Variants in ALK observed in about 807,000 individuals in gnomAD.
ALK encodes the protein ALK tyrosine kinase receptor.
ALK carries 74 observed loss-of-function variants against 163.1 expected under a neutral mutation model. That is an observed-to-expected ratio of 0.45 (90% CI 0.38 to 0.55). ALK has a LOEUF of 0.55. ALK is among the 20% of genes least tolerant of loss of function. The probability of loss-of-function intolerance (pLI) is 0.00; values close to 1 mark genes in which losing one functional copy is unlikely to be tolerated. For missense variants in ALK, 2,063 were observed against 2,105.3 expected (o/e 0.98, Z 0.39); for synonymous variants, 960 against 843.2 (o/e 1.14, Z -2.40).
intron 1 of ALK, among the ~76,000 whole-genome samples, chr2:29,718,231 CCCAAAG>C (rs1679319991): frequency 6.6e-6 from 1 of 152,096 alleles, no homozygotes; most frequent in Non-Finnish European, 1.5e-5. Context: ...CCGGAGTTTT[CCCAAAG>C]CCAAGAGGCC....
At chr2:29,465,447 A>C (rs1462419968) in intron 4 of ALK, among the ~76,000 whole-genome samples, 2 of 152,118 alleles carry the variant, frequency 1.3e-5, no homozygotes, top group African/African-American at 4.8e-5. Flanking sequence ...TAATCCCAAC[A>C]CTTTGGGAGG....
chr2:29,217,645 AT>A (rs1669678379), intron 23 of ALK, among the ~76,000 whole-genome samples: 1 of 152,112 alleles, frequency 6.6e-6, no homozygotes, highest in Non-Finnish European at 1.5e-5. Context: ...AGGGTCTTTG[AT>A]CCTGATCTAA....
intron 10 of ALK, 48 bp from the exon 11 acceptor site, chr2:29,275,275 C>T: frequency 6.2e-7 from 1 of 1,613,692 alleles, no homozygotes; most frequent in Non-Finnish European, 8.5e-7. Context: ...GGGTTGATTT[C>T]AGGGTGAGAG....
Position 29,739,240 on chromosome 2 carries a change from TAAAAAAAAAAAAA to T in ALK, c.668-21556_668-21544del, listed in dbSNP as rs57381961. Among the ~76,000 whole-genome samples the T allele has an allele frequency of 1.7e-4, 7 of 40,334 alleles. No individual in the cohort carries two copies. The South Asian group carries it at 8.0e-3, about 46-fold the overall frequency. 26.5% of individuals were successfully genotyped at this position (40,334 alleles called of 152,430 possible). ...GGCAACAGGGCAAGACAGTCTCTCT[TAAAAAAAAAAAAA>T]AAAAAAAAAAAAAAAAGAACATAGG... On this transcript the variant is annotated intron_variant, in intron 1 of 28. Coordinates refer to ENST00000389048, the MANE Select transcript of ALK (RefSeq NM_004304.5).
chr2:29,587,001 C>A (rs922935540), intron 3 of ALK, among the ~76,000 whole-genome samples: 1 of 152,072 alleles, frequency 6.6e-6, no homozygotes, highest in Admixed American at 6.6e-5. Context: ...GTGGGTGTAC[C>A]CTTACCTGCC....
chr2:29,228,737 C>T, intron 16 of ALK, 147 bp downstream of exon 16: 1 of 523,380 alleles, frequency 1.9e-6, no homozygotes, highest in Non-Finnish European at 3.6e-6. Context: ...TCTGGCTGGT[C>T]CAGGCAGGTC....
intron 5 of ALK, among the ~76,000 whole-genome samples, chr2:29,369,832 C>G (rs17007974): frequency 0.11 from 16,423 of 152,074 alleles, 967 homozygotes; most frequent in African/African-American, 0.15. Flanking sequence ...TATGATCACA[C>G]GGAATAAATA....
At chr2:29,223,255 T>G (rs1669855306) in intron 20 of ALK, 87 bp downstream of exon 20, 1 of 1,484,618 alleles carries the variant, frequency 6.7e-7, no homozygotes, top group East Asian at 2.3e-5. Flanking sequence ...GCCGGCCTTT[T>G]GTGGCTAGAG....
At chr2:29,270,907 A>G (rs1188084792) in intron 11 of ALK, among the ~76,000 whole-genome samples, 1 of 152,156 alleles carries the variant, frequency 6.6e-6, no homozygotes, top group Non-Finnish European at 1.5e-5. Flanking sequence ...CTGGGATGCA[A>G]TGATGAGCTG....
At chr2:29,357,595 G>A (rs1573276691) in intron 5 of ALK, among the ~76,000 whole-genome samples, 1 of 152,330 alleles carries the variant, frequency 6.6e-6, no homozygotes, top group South Asian at 2.1e-4. Flanking sequence ...CTGTCCTCCT[G>A]GTCATAGTGG....
intron 1 of ALK, among the ~76,000 whole-genome samples, chr2:29,799,510 C>T (rs1354556441): frequency 7.3e-6 from 1 of 136,910 alleles, no homozygotes; most frequent in Admixed American, 6.8e-5. Context: ...CAAAACAAAA[C>T]AAACAAACAA....
At chr2:29,918,683 C>G (rs1667900827) in intron 1 of ALK, among the ~76,000 whole-genome samples, 1 of 152,162 alleles carries the variant, frequency 6.6e-6, no homozygotes, top group African/African-American at 2.4e-5. Context: ...CTGAATATCC[C>G]TCCTGCATGA....
chr2:29,901,776 A>T (rs1246376419), intron 1 of ALK, among the ~76,000 whole-genome samples: 2 of 152,206 alleles, frequency 1.3e-5, no homozygotes, highest in African/African-American at 4.8e-5. Context: ...GGTCAGGAAG[A>T]TCGCCGTATC....
At chr2:29,288,163 C>G (rs909623520) in intron 9 of ALK, among the ~76,000 whole-genome samples, 9 of 152,186 alleles carry the variant, frequency 5.9e-5, no homozygotes, top group African/African-American at 1.7e-4. Context: ...CTGCACTACT[C>G]CAGGACTAGG....
rs942490577 is a variant in ALK, at chr2:29,921,200, A to C, written c.-541T>G. 4.3e-6 allele frequency: 1 copy of C among 234,368 alleles called. No homozygotes were observed. The highest frequency in any genetic ancestry group is 8.4e-6 in the Non-Finnish European group (1 of 118,972). 14.5% of individuals were successfully genotyped at this position (234,368 alleles called of 1,614,324 possible). A position where few individuals can be genotyped will look rare whatever the true frequency, so the allele number is the denominator to read the frequency against. ...TTCTGCCCGGTCTGGGCGGGAACCG[A>C]GGGCGGAGGCTGCCGTCTTGCGCAC... On this transcript the variant is annotated 5_prime_UTR_variant, in exon 1 of 29. Coordinates refer to ENST00000389048, the MANE Select transcript of ALK (RefSeq NM_004304.5).
chr2:29,452,503 C>T lies in ALK; in HGVS notation c.1155-68644G>A, dbSNP rs573404889. Among the ~76,000 whole-genome samples the T allele has an allele frequency of 2.0e-5, 3 of 152,192 alleles. 1 individual carries two copies. The highest frequency in any genetic ancestry group is 4.2e-4 in the South Asian group (2 of 4,812). On this transcript the variant is annotated intron_variant, in intron 4 of 28. Coordinates refer to ENST00000389048, the MANE Select transcript of ALK (RefSeq NM_004304.5). ...CATCTCATTTATTTCGTTACTTCTTCATTGTCTAACTCCTAATAAAAGGTA... is the reference window on the plus strand; with the variant it reads ...CATCTCATTTATTTCGTTACTTCTTTATTGTCTAACTCCTAATAAAAGGTA...
chr2:29,318,031 T>C (rs898898280), intron 8 of ALK, among the ~76,000 whole-genome samples: 5 of 152,264 alleles, frequency 3.3e-5, no homozygotes, highest in African/African-American at 7.2e-5. Context: ...TGTTATGCCA[T>C]GGAAAATCTC....
At chr2:29,650,892 C>T (rs1056268964) in intron 3 of ALK, among the ~76,000 whole-genome samples, 1 of 152,106 alleles carries the variant, frequency 6.6e-6, no homozygotes, top group African/African-American at 2.4e-5. Flanking sequence ...AACAGCTGCA[C>T]AATGCTGATG....
intron 1 of ALK, among the ~76,000 whole-genome samples, chr2:29,758,864 A>G (rs561569356): frequency 6.6e-6 from 1 of 151,954 alleles, no homozygotes; most frequent in Non-Finnish European, 1.5e-5. Context: ...CATTCTCACC[A>G]TGTCTTACTG....
Sources: gnomAD v4.1 joint callset for allele counts (sites outside exome capture counted in the v4.1 genomes callset) on GRCh38, gnomAD v4.1.1 for gene constraint, MANE v1.5 for transcripts, NCBI Gene and HGNC (gene_info 2026-07-23, HGNC 2026-07-21) for gene names.